ADCY8: variants seen among roughly 807,000 people sequenced by gnomAD.
The protein encoded by ADCY8 is adenylate cyclase type 8.
In ADCY8, 51 loss-of-function variants were observed where a neutral mutation model predicts 119.7. The observed-to-expected ratio is 0.43, with a 90% confidence interval of 0.34 to 0.54. The LOEUF is 0.54. Among genes scored for constraint, ADCY8 ranks in the 20% least tolerant of loss-of-function variants. The pLI is 0.03. For synonymous variants in ADCY8, 665 were observed against 651.0 expected (o/e 1.02, Z -0.33); for missense variants, 1,383 against 1,598.8 (o/e 0.87, Z 2.30).
intron 2 of ADCY8, among the ~76,000 whole-genome samples, chr8:130,970,834 T>C (rs567011060): frequency 1.3e-5 from 2 of 152,298 alleles, no homozygotes; most frequent in South Asian, 4.2e-4. Context: ...TTATTCTGAG[T>C]ATCCAGTGAG....
At chr8:130,843,210 A>G (rs1817199821) in intron 11 of ADCY8, among the ~76,000 whole-genome samples, 1 of 152,194 alleles carries the variant, frequency 6.6e-6, no homozygotes, top group African/African-American at 2.4e-5. Flanking sequence ...GACTTTTCTG[A>G]ATACTCTAAC....
intron 1 of ADCY8, among the ~76,000 whole-genome samples, chr8:131,009,146 A>G (rs567058857): frequency 6.6e-6 from 1 of 152,322 alleles, no homozygotes; most frequent in African/African-American, 2.4e-5. Flanking sequence ...GTCAATCACC[A>G]AGACAATGGG....
chr8:130,982,127 GA>G (rs1424309298), intron 2 of ADCY8, among the ~76,000 whole-genome samples: 1 of 152,190 alleles, frequency 6.6e-6, no homozygotes, highest in Non-Finnish European at 1.5e-5. Flanking sequence ...CAGCCAGATG[GA>G]ACACAAGAGC....
intron 16 of ADCY8, among the ~76,000 whole-genome samples, chr8:130,784,405 G>A (rs1304212675): frequency 6.6e-6 from 1 of 152,184 alleles, no homozygotes; most frequent in Non-Finnish European, 1.5e-5. Flanking sequence ...ATAAAATGGG[G>A]ATAAGCATAC....
At chr8:130,902,709 A>T (rs1251179591) in intron 7 of ADCY8, among the ~76,000 whole-genome samples, 1 of 152,100 alleles carries the variant, frequency 6.6e-6, no homozygotes, top group African/African-American at 2.4e-5. Flanking sequence ...AGTTAATGAG[A>T]AATGTTGAGG....
intron 5 of ADCY8, among the ~76,000 whole-genome samples, chr8:130,925,405 C>G (rs1416107618): frequency 6.6e-6 from 1 of 152,106 alleles, no homozygotes; most frequent in Admixed American, 6.5e-5. Context: ...TGCATGCTAC[C>G]TATTTGAATT....
intron 5 of ADCY8, among the ~76,000 whole-genome samples, chr8:130,936,604 C>G (rs1408848488): frequency 2.0e-5 from 3 of 152,186 alleles, no homozygotes; most frequent in African/African-American, 7.2e-5. Flanking sequence ...ACCTTTCAGT[C>G]AACAGCTTAG....
chr8:130,926,314 A>T (rs1218918764), intron 5 of ADCY8, among the ~76,000 whole-genome samples: 1 of 152,058 alleles, frequency 6.6e-6, no homozygotes, highest in Non-Finnish European at 1.5e-5. Flanking sequence ...TCCAGGAAAA[A>T]AAAAAAAACC....
At position 130,812,827 on chromosome 8, in the gene ADCY8, T is replaced by C. The variant is rs1586438613; in HGVS notation, c.2913+1242A>G. On this transcript the variant is annotated intron_variant, in intron 14 of 17. Transcript: ENST00000286355. The stretch of plus-strand genomic sequence containing the variant: ...GCATATATGTGTATAGATATTGATA[T>C]ATAAATATACACACATGTATCACAC... Among the ~76,000 whole-genome samples the C allele has an allele frequency of 2.0e-5, 3 of 152,350 alleles. No individual in the cohort carries two copies. The East Asian group carries it at 5.8e-4, about 29-fold the overall frequency.
At chr8:131,001,218 A>T (rs1275310192) in intron 1 of ADCY8, among the ~76,000 whole-genome samples, 1 of 152,080 alleles carries the variant, frequency 6.6e-6, no homozygotes, top group African/African-American at 2.4e-5. Flanking sequence ...CCTGAGGACG[A>T]GGAGTGAGGG....
chr8:130,883,822 G>A lies in ADCY8; in HGVS notation c.2109+742C>T, dbSNP rs534737451. The stretch of plus-strand genomic sequence containing the variant: ...TCCAGTTCAAAGCTGAGGTGGGGGA[G>A]GGGAATGGAAAAAGTCATCATTAAT... On this transcript the variant is annotated intron_variant, in intron 8 of 17. Coordinates refer to ENST00000286355, the MANE Select transcript of ADCY8 (RefSeq NM_001115.3). 6.6e-5 allele frequency among the ~76,000 whole-genome samples: 10 copies of A among 152,250 alleles called. No homozygotes were observed. In the East Asian group the frequency reaches 1.9e-3, roughly 29 times the overall value.
intron 1 of ADCY8, among the ~76,000 whole-genome samples, chr8:131,016,845 T>C (rs2130788446): frequency 6.6e-6 from 1 of 152,158 alleles, no homozygotes; most frequent in Non-Finnish European, 1.5e-5. Context: ...CTGACTTCTG[T>C]TCAAGAGTTA....
intron 1 of ADCY8, among the ~76,000 whole-genome samples, chr8:131,036,300 G>T (rs954422834): frequency 3.3e-5 from 5 of 152,122 alleles, no homozygotes; most frequent in African/African-American, 4.8e-5. Context: ...CAAAGTAAAG[G>T]ATTATTATTG....
At chr8:130,832,999 A>G (rs1459062935) in intron 12 of ADCY8, among the ~76,000 whole-genome samples, 2 of 152,210 alleles carry the variant, frequency 1.3e-5, no homozygotes, top group Non-Finnish European at 2.9e-5. Flanking sequence ...CATAAATTGT[A>G]GATGGTTTTA....
intron 15 of ADCY8, among the ~76,000 whole-genome samples, chr8:130,786,273 A>G (rs1815245780): frequency 6.6e-6 from 1 of 152,236 alleles, no homozygotes; most frequent in African/African-American, 2.4e-5. Context: ...GAATGAGTGA[A>G]TGATTAAATG....
intron 7 of ADCY8, chr8:130,892,174 A>G (rs1193969286): frequency 6.6e-6 from 1 of 152,152 alleles, no homozygotes; most frequent in East Asian, 1.9e-4. Context: ...TGTTGCAATA[A>G]TAGCCTAGAC....
chr8:131,021,478 G>C (rs1336852299), intron 1 of ADCY8, among the ~76,000 whole-genome samples: 1 of 152,124 alleles, frequency 6.6e-6, no homozygotes, highest in Non-Finnish European at 1.5e-5. Flanking sequence ...ATGCAACTGG[G>C]CACATTACCT....
At chr8:130,944,428 C>T (rs768737423) in intron 3 of ADCY8, among the ~76,000 whole-genome samples, 13 of 152,138 alleles carry the variant, frequency 8.5e-5, no homozygotes, top group Admixed American at 5.9e-4. Context: ...TTAGCTGTGT[C>T]GAGCTTTTTA....
rs1815057461 is a variant in ADCY8 at position 130,780,884 on chromosome 8, G to A, written c.3269-7C>T. The A allele has an allele frequency of 6.2e-7, 1 of 1,611,788 alleles. No homozygotes were observed. The highest frequency in any genetic ancestry group is 8.5e-7 in the Non-Finnish European group (1 of 1,178,208). On this transcript the variant is annotated splice_region_variant and splice_polypyrimidine_tract_variant and intron_variant, in intron 17 of 17. Transcript: ENST00000286355. ...ACTGAGCCGTGGCTGATGCCTGGGG[G>A]GTGAAGCAAAGGAGCAAGAAGTCAG... is the stretch of plus-strand genomic sequence containing the variant.
Sources: gnomAD v4.1 joint callset for allele counts (sites outside exome capture counted in the v4.1 genomes callset) on GRCh38, gnomAD v4.1.1 for gene constraint, MANE v1.5 for transcripts, NCBI Gene and HGNC (gene_info 2026-07-23, HGNC 2026-07-21) for gene names.